The following NCKAP5 variants were observed in gnomAD, a reference collection of about 807,000 sequenced individuals.
The protein encoded by NCKAP5 is nck-associated protein 5.
Under a neutral mutation model 167.0 loss-of-function variants are expected in NCKAP5, and 92 were observed. The observed-to-expected ratio is 0.55, with a 90% CI of 0.47 to 0.66. NCKAP5 has a LOEUF of 0.66. NCKAP5 is among the 30% of genes least tolerant of loss of function. NCKAP5 has a pLI of 0.00. For missense variants in NCKAP5, 2,378 were observed against 2,315.0 expected, an observed-to-expected ratio of 1.03 and a Z score of -0.56; for synonymous variants, 891 against 877.4, an observed-to-expected ratio of 1.02 and a Z score of -0.27.
chr2:133,194,724 A>G (rs1330860788), intron 5 of NCKAP5, among the ~76,000 whole-genome samples: 1 of 151,806 alleles, frequency 6.6e-6, no homozygotes, highest in Non-Finnish European at 1.5e-5. Flanking sequence ...ATATAACTAA[A>G]TATTGGTGCT....
At position 133,086,521 on chromosome 2, in the gene NCKAP5, A is replaced by G. The variant is rs190579294; in HGVS notation, c.341+43457T>C. Among the ~76,000 whole-genome samples the G allele has an allele frequency of 2.0e-3, 301 of 152,252 alleles. 1 individual carries two copies. Among genetic ancestry groups the G allele is most frequent in the African/African-American group, 7.0e-3 (292 of 41,542 alleles). ...ACCGGGCATGGTGGTGTGTGTCTAT[A>G]GTCCCAGCAACTCAAGAGGCTGAGG... On this transcript the variant is annotated intron_variant, in intron 6 of 19. Transcript: ENST00000409261.
chr2:132,731,728 G>T lies in NCKAP5; in HGVS notation c.5443+9C>A. Reference sequence around the variant, plus strand: ...ATGTCTTATTAAGGGTGGGAAATTGGCATTTTACCTGAGGAAGCTGGTTTG... The same window carrying T: ...ATGTCTTATTAAGGGTGGGAAATTGTCATTTTACCTGAGGAAGCTGGTTTG... On this transcript the variant is annotated intron_variant, in intron 17 of 19. Transcript: ENST00000409261. 1.9e-6 allele frequency: 3 copies of T among 1,562,266 alleles called. No homozygotes were observed. The highest frequency in any genetic ancestry group is 2.6e-6 in the Non-Finnish European group (3 of 1,151,348).
Position 132,784,872 on chromosome 2 carries a change from T to C in NCKAP5, c.1939A>G (p.Lys647Glu). ...TGCTGCTTAATGAAACTAAAAGTCT[T>C]TGGCCTAGTCTCTGAAGGGATGGGC... ...QVPIPSETRP[K>E]TFSFIKQQRV... is the part of the protein sequence containing the mutation. Residue 647 changes from lysine to glutamate, a missense_variant, in exon 14 of 20, where the codon AAG (lysine) becomes GAG (glutamate). This residue lies in a region of NCKAP5 where 1,049 missense variants were observed against 1,023.4 expected (regional missense o/e 1.02). Transcript: ENST00000409261. 1 of 1,560,840 alleles carries C rather than the reference T, an allele frequency of 6.4e-7. No homozygotes were observed. The highest frequency in any genetic ancestry group is 8.7e-7 in the Non-Finnish European group (1 of 1,154,466).
chr2:133,010,369 T>G (rs1379726374), intron 6 of NCKAP5, among the ~76,000 whole-genome samples: 1 of 152,216 alleles, frequency 6.6e-6, no homozygotes, highest in Admixed American at 6.5e-5. Flanking sequence ...TCAGCCCACC[T>G]ACTTAAGGTT....
the NCKAP5 span, among the ~76,000 whole-genome samples, chr2:133,665,083 T>C: frequency 2.0e-5 from 3 of 152,206 alleles, no homozygotes; most frequent in Non-Finnish European, 4.4e-5. Context: ...TTGGTCTATC[T>C]TCAAGACCAC....
At chr2:133,447,487 C>G (rs1160076922) in intron 3 of NCKAP5, among the ~76,000 whole-genome samples, 1 of 146,266 alleles carries the variant, frequency 6.8e-6, no homozygotes, top group Non-Finnish European at 1.5e-5. Flanking sequence ...CCCTGCCTTT[C>G]CCCTTCTCTT....
At position 133,171,168 on chromosome 2, in the gene NCKAP5, T is replaced by C. The variant is rs555999779; in HGVS notation, c.208-41057A>G. Among the ~76,000 whole-genome samples, 34 of 152,264 alleles carry C rather than the reference T, an allele frequency of 2.2e-4. 1 individual carries two copies. In the South Asian group the frequency reaches 3.7e-3, roughly 17 times the overall value. On this transcript the variant is annotated intron_variant, in intron 5 of 19. Transcript: ENST00000409261. Reference sequence around the variant, plus strand: ...GTGCTTTTGAAGGCATCTCAAGTTATAATAAAAGGCAACAACCTGTTTTTC... The same window carrying C: ...GTGCTTTTGAAGGCATCTCAAGTTACAATAAAAGGCAACAACCTGTTTTTC...
At chr2:133,481,457 GTTCAGTATACAGGTTTGTT>G (rs1680422694) in intron 3 of NCKAP5, among the ~76,000 whole-genome samples, 1 of 152,184 alleles carries the variant, frequency 6.6e-6, no homozygotes, top group South Asian at 2.1e-4. Context: ...AGACTTTTAA[GTTCAGTATACAGGTTTGTT>G]GCACACATAA....
rs1683947364 is a variant in NCKAP5, at chr2:132,673,093, C to CA, written c.*195dup. On this transcript the variant is annotated 3_prime_UTR_variant, in exon 20 of 20. Transcript: ENST00000409261. ...CATATAAAGAATCACTCAAAGATTC[C>CA]AAGTTGTCTACCCCAGGCCTATCTG... 8.1e-7 allele frequency: 1 copy of CA among 1,227,488 alleles called. No homozygotes were observed. Among genetic ancestry groups the CA allele is most frequent in the African/African-American group, 1.6e-5 (1 of 63,508 alleles). 76.0% of individuals were successfully genotyped at this position (1,227,488 alleles called of 1,614,324 possible).
At chr2:133,611,789 A>G in the NCKAP5 span, among the ~76,000 whole-genome samples, 110 of 152,232 alleles carry the variant, frequency 7.2e-4, 4 homozygotes, top group Admixed American at 6.8e-3. Flanking sequence ...ACCCCCTTCA[A>G]ATAATCATTG....
intron 3 of NCKAP5, among the ~76,000 whole-genome samples, chr2:133,435,952 C>A (rs924653731): frequency 2.6e-5 from 4 of 152,170 alleles, no homozygotes; most frequent in Admixed American, 1.3e-4. Flanking sequence ...TTTCGTCTTC[C>A]TTTATAAAAT....
At chr2:133,225,656 C>T (rs1331575837) in intron 4 of NCKAP5, among the ~76,000 whole-genome samples, 1 of 151,952 alleles carries the variant, frequency 6.6e-6, no homozygotes, top group East Asian at 1.9e-4. Flanking sequence ...CTTTGTTGCC[C>T]AGGCTAGAGT....
chr2:133,041,157 T>C (rs2079207559), intron 6 of NCKAP5, among the ~76,000 whole-genome samples: 3 of 152,186 alleles, frequency 2.0e-5, no homozygotes. Flanking sequence ...AGTGAATTTT[T>C]GAACTGGAGA....
At chr2:133,241,161 G>T (rs564686821) in intron 4 of NCKAP5, among the ~76,000 whole-genome samples, 8 of 152,124 alleles carry the variant, frequency 5.3e-5, no homozygotes, top group Non-Finnish European at 7.4e-5. Context: ...ACATTCCCAC[G>T]CTGTGCTTAT....
At position 133,184,293 on chromosome 2, in the gene NCKAP5, G is replaced by T. The variant is rs149942262; in HGVS notation, c.207+29423C>A. Reference sequence around the variant, plus strand: ...CATCCATGTTGCTTCAAAAAAACATGATTTTGTTCATTTTTATGGTTGTGT... The same window carrying T: ...CATCCATGTTGCTTCAAAAAAACATTATTTTGTTCATTTTTATGGTTGTGT... On this transcript the variant is annotated intron_variant, in intron 5 of 19. Transcript: ENST00000409261. Among the ~76,000 whole-genome samples, 954 of 152,196 alleles carry T rather than the reference G, an allele frequency of 6.3e-3. 11 individuals carry two copies. Among genetic ancestry groups the T allele is most frequent in the African/African-American group, 0.022 (901 of 41,532 alleles).
At chr2:133,586,804 G>A in the NCKAP5 span, among the ~76,000 whole-genome samples, 1 of 150,086 alleles carries the variant, frequency 6.7e-6, no homozygotes, top group South Asian at 2.1e-4. Flanking sequence ...CAGGATTTAG[G>A]ATAGGCAGGT....
the NCKAP5 span, among the ~76,000 whole-genome samples, chr2:133,599,517 C>T: frequency 6.6e-6 from 1 of 152,138 alleles, no homozygotes; most frequent in Non-Finnish European, 1.5e-5. Flanking sequence ...TGGCTTTTGG[C>T]TAAAGAGAAG....
chr2:133,500,798 A>G (rs1682441182), intron 3 of NCKAP5, among the ~76,000 whole-genome samples: 1 of 152,188 alleles, frequency 6.6e-6, no homozygotes, highest in African/African-American at 2.4e-5. Flanking sequence ...TGTACTTGTG[A>G]CAGATTTCTT....
the NCKAP5 span, among the ~76,000 whole-genome samples, chr2:133,593,223 A>G: frequency 6.6e-6 from 1 of 152,204 alleles, no homozygotes; most frequent in African/African-American, 2.4e-5. Context: ...GATGATATAC[A>G]CTATCTGTTA....
Sources: gnomAD v4.1 joint callset for allele counts (sites outside exome capture counted in the v4.1 genomes callset) on GRCh38, gnomAD v4.1.1 for gene constraint, gnomAD v4.1.1 regional missense constraint, MANE v1.5 for transcripts, NCBI Gene and HGNC (gene_info 2026-07-23, HGNC 2026-07-21) for gene names.